The following MS4A15 variants were observed in gnomAD, a reference collection of about 807,000 sequenced individuals.
MS4A15 encodes the protein membrane spanning 4-domains A15.
MS4A15 carries 22 observed loss-of-function variants against 20.6 expected under a neutral mutation model. That is an observed-to-expected ratio of 1.07 (90% CI 0.76 to 1.52). MS4A15 has a LOEUF of 1.52. Among genes scored for constraint, MS4A15 ranks in the 40% most tolerant of loss-of-function variants. The pLI, the probability that MS4A15 is intolerant of heterozygous loss-of-function variation, is 0.00. For missense variants in MS4A15, 312 were observed against 323.0 expected (o/e 0.97, Z 0.26); for synonymous variants, 129 against 129.3 (o/e 1.00, Z 0.02).
rs1303585432 is a variant in MS4A15 at position 60,763,913 on chromosome 11, G to A, written c.180G>A (p.Leu60=). The A allele has an allele frequency of 6.2e-7, 1 of 1,613,102 alleles. No individual in the cohort carries two copies. Residue 60 remains leucine, a synonymous_variant, in exon 2 of 7, where the codon TTG becomes TTA. Transcript: ENST00000405633. ...CAAGGGCCACACAGCCACCTGACTTGCGGCCCGTGGAGACATTCCTGACAG... is the reference window on the plus strand; with the variant it reads ...CAAGGGCCACACAGCCACCTGACTTACGGCCCGTGGAGACATTCCTGACAG... ...QTPRATQPPD[L]RPVETFLTGE... is the part of the protein sequence containing the mutation.
rs75660947 is a variant in MS4A15 at position 60,764,404 on chromosome 11, T to G, written c.225+446T>G. Among the ~76,000 whole-genome samples, 191 of 152,066 alleles carry G rather than the reference T, an allele frequency of 1.3e-3. 7 individuals carry two copies. The East Asian group carries it at 0.033, about 26-fold the overall frequency. On this transcript the variant is annotated intron_variant, in intron 2 of 6. Transcript: ENST00000405633. ...AGGTGGAAGCTCGCCATAGCTGGAA[T>G]GTAATGAGCAAAGGAAAGGGGGAGG...
In MS4A15 at chr11:60,766,265, C is replaced by T. The variant is rs531147802; in HGVS notation, c.226-1268C>T. 2.0e-5 allele frequency among the ~76,000 whole-genome samples: 3 copies of T among 152,284 alleles called. No homozygotes were observed. The East Asian group carries it at 5.8e-4, about 29-fold the overall frequency. ...GTGTGGTGGCAGGCACCTGTAATCCCCATTACTCAGGAGGCTGAGGCAGGA... is the reference window on the plus strand; with the variant it reads ...GTGTGGTGGCAGGCACCTGTAATCCTCATTACTCAGGAGGCTGAGGCAGGA... On this transcript the variant is annotated intron_variant, in intron 2 of 6. Transcript: ENST00000405633.
chr11:60,761,118 G>A (rs1853728882), intron 1 of MS4A15, among the ~76,000 whole-genome samples: 1 of 152,144 alleles, frequency 6.6e-6, no homozygotes, highest in Admixed American at 6.5e-5. Context: ...ATGCTGACCT[G>A]CCTTTGTCAT....
intron 1 of MS4A15, among the ~76,000 whole-genome samples, chr11:60,762,551 CACTT>C (rs967678903): frequency 8.5e-5 from 13 of 152,314 alleles, no homozygotes; most frequent in African/African-American, 1.4e-4. Context: ...TAAACCCAAA[CACTT>C]AGTTATCTGG....
At position 60,768,990 on chromosome 11, in the gene MS4A15, A is replaced by G. The variant is rs117716150; in HGVS notation, c.348+1335A>G. Among the ~76,000 whole-genome samples the G allele has an allele frequency of 5.7e-3, 873 of 152,292 alleles. 7 individuals are homozygous for G. The highest frequency in any genetic ancestry group is 8.6e-3 in the Non-Finnish European group (585 of 68,028). On this transcript the variant is annotated intron_variant, in intron 3 of 6. Coordinates refer to ENST00000405633, the MANE Select transcript of MS4A15 (RefSeq NM_001098835.2). ...GGTCACCTGGCCATCCTTGGGGACA[A>G]GCTCTGGCACTTTGAATGGTCCCCC...
intron 1 of MS4A15, 116 bp from the exon 2 acceptor site, chr11:60,763,590 G>A (rs565486170): frequency 8.0e-5 from 65 of 817,074 alleles, no homozygotes; most frequent in Middle Eastern, 7.4e-4. Flanking sequence ...TGATGAGAGC[G>A]TTTGGGGCCA....
intron 6 of MS4A15, among the ~76,000 whole-genome samples, chr11:60,775,087 G>C (rs914102772): frequency 6.6e-6 from 1 of 152,094 alleles, no homozygotes; most frequent in Non-Finnish European, 1.5e-5. Context: ...AGGCCGAGGC[G>C]GGCAGATCAT....
At chr11:60,770,462 G>A (rs1484263396) in intron 3 of MS4A15, among the ~76,000 whole-genome samples, 2 of 151,792 alleles carry the variant, frequency 1.3e-5, no homozygotes, top group Non-Finnish European at 2.9e-5. Flanking sequence ...GCTGGGTGTG[G>A]TGGCGGGCGT....
chr11:60,775,807 C>T lies in MS4A15; in HGVS notation c.*92C>T. 1.0e-6 allele frequency: 1 copy of T among 983,322 alleles called. No homozygotes were observed. The highest frequency in any genetic ancestry group is 1.5e-6 in the Non-Finnish European group (1 of 655,632). 60.9% of individuals were successfully genotyped at this position (983,322 alleles called of 1,614,324 possible). Reference sequence around the variant, plus strand: ...CCACCTTGTTCATCAGGGGCCAGCCCCATCCCAGCTGCCCTCCCTCACCAC... The same window carrying T: ...CCACCTTGTTCATCAGGGGCCAGCCTCATCCCAGCTGCCCTCCCTCACCAC... On this transcript the variant is annotated 3_prime_UTR_variant, in exon 7 of 7. Transcript: ENST00000405633.
intron 1 of MS4A15, among the ~76,000 whole-genome samples, chr11:60,762,181 T>C (rs1421481736): frequency 6.6e-6 from 1 of 152,260 alleles, no homozygotes. Flanking sequence ...GTGAACCACA[T>C]GGTATATAAT....
chr11:60,773,061 G>C (rs555588121), intron 4 of MS4A15, among the ~76,000 whole-genome samples: 2 of 152,338 alleles, frequency 1.3e-5, no homozygotes, highest in African/African-American at 4.8e-5. Context: ...TGCTGGGCCT[G>C]GGGGAGAGGG....
intron 2 of MS4A15, among the ~76,000 whole-genome samples, chr11:60,766,710 G>A (rs1317968001): frequency 1.3e-5 from 2 of 152,232 alleles, no homozygotes; most frequent in African/African-American, 4.8e-5. Flanking sequence ...TGGCACTCAT[G>A]TTAGAAAGAA....
chr11:60,774,025 C>A, intron 6 of MS4A15, 75 bp downstream of exon 6: 1 of 1,133,770 alleles, frequency 8.8e-7, no homozygotes, highest in Non-Finnish European at 1.3e-6. Flanking sequence ...TGGCTGGGAG[C>A]GCGCTCTGCC....
intron 3 of MS4A15, among the ~76,000 whole-genome samples, chr11:60,768,916 T>C (rs1050847049): frequency 6.6e-6 from 1 of 152,116 alleles, no homozygotes; most frequent in African/African-American, 2.4e-5. Context: ...TCCACCAGAA[T>C]GGGGTTCAGG....
intron 2 of MS4A15, 61 bp from the exon 3 acceptor site, chr11:60,767,472 G>A: frequency 7.1e-7 from 1 of 1,414,346 alleles, no homozygotes; most frequent in Admixed American, 3.1e-5. Flanking sequence ...GCTCTCCGCG[G>A]GGCCGGCAGG....
intron 1 of MS4A15, among the ~76,000 whole-genome samples, chr11:60,757,505 G>A (rs1853624361): frequency 6.6e-6 from 1 of 152,218 alleles, no homozygotes; most frequent in African/African-American, 2.4e-5. Flanking sequence ...GACAGCGGGA[G>A]GCGGGCGGGG....
At chr11:60,766,351 A>G (rs953173974) in intron 2 of MS4A15, among the ~76,000 whole-genome samples, 25 of 152,254 alleles carry the variant, frequency 1.6e-4, no homozygotes, top group African/African-American at 3.4e-4. Flanking sequence ...ATTGCACTCC[A>G]GCCTGGGCAA....
At chr11:60,765,912 A>C (rs1176396515) in intron 2 of MS4A15, among the ~76,000 whole-genome samples, 2 of 152,134 alleles carry the variant, frequency 1.3e-5, no homozygotes, top group African/African-American at 4.8e-5. Context: ...TGAGACAAAC[A>C]AACTGCTGAA....
At chr11:60,766,264 C>G (rs1461400737) in intron 2 of MS4A15, among the ~76,000 whole-genome samples, 1 of 152,128 alleles carries the variant, frequency 6.6e-6, no homozygotes, top group Non-Finnish European at 1.5e-5. Context: ...ACCTGTAATC[C>G]CCATTACTCA....
Sources: gnomAD v4.1 joint callset for allele counts (sites outside exome capture counted in the v4.1 genomes callset) on GRCh38, gnomAD v4.1.1 for gene constraint, MANE v1.5 for transcripts, NCBI Gene and HGNC (gene_info 2026-07-23, HGNC 2026-07-21) for gene names.